The following HIGD1C variants were observed in gnomAD, a reference collection of about 807,000 sequenced individuals.
HIGD1C encodes HIG1 domain family member 1C.
A neutral mutation model predicts 13.1 loss-of-function variants in HIGD1C; 11 were observed. The ratio of observed to expected loss-of-function variants is 0.84; its 90% CI spans 0.53 to 1.39. The LOEUF (loss-of-function observed/expected upper bound fraction) is 1.39, where lower values mean the gene tolerates loss of function less well. Among genes scored for constraint, HIGD1C ranks in the 40% most tolerant of loss-of-function variants. The probability of loss-of-function intolerance (pLI) is 0.00; values close to 1 mark genes in which losing one functional copy is unlikely to be tolerated. For synonymous variants in HIGD1C, 36 were observed against 37.7 expected, an observed-to-expected ratio of 0.95 and a Z score of 0.17; for missense variants, 110 against 112.0, an observed-to-expected ratio of 0.98 and a Z score of 0.08.
the HIGD1C span, among the ~76,000 whole-genome samples, chr12:50,944,995 A>G: frequency 1.8e-4 from 28 of 152,362 alleles, no homozygotes; most frequent in African/African-American, 6.3e-4. Context: ...CCACATGATT[A>G]TCTCAATACA....
chr12:50,952,694 C>T (rs545452290), upstream of HIGD1C, among the ~76,000 whole-genome samples: 2 of 152,294 alleles, frequency 1.3e-5, no homozygotes, highest in African/African-American at 4.8e-5. Context: ...AGGAGGCGCA[C>T]CTGCGATGGC....
chr12:50,937,493 CCGCAGCTTTT>C, the HIGD1C span, among the ~76,000 whole-genome samples: 1 of 152,198 alleles, frequency 6.6e-6, no homozygotes, highest in Non-Finnish European at 1.5e-5. Context: ...CCCAGAAGGG[CCGCAGCTTTT>C]CTTTCCTTCT....
the HIGD1C span, among the ~76,000 whole-genome samples, chr12:50,936,103 G>C: frequency 6.7e-6 from 1 of 149,192 alleles, no homozygotes; most frequent in Admixed American, 6.7e-5. Context: ...AGGTTGCAGT[G>C]AGCCAAGATC....
Position 50,962,348 on chromosome 12 carries a change from T to A in HIGD1C, c.229+1246T>A, listed in dbSNP as rs142684032. Among the ~76,000 whole-genome samples the A allele has an allele frequency of 2.7e-4, 40 of 150,024 alleles. No homozygotes were observed. The East Asian group carries it at 4.3e-3, about 16-fold the overall frequency. ...ATCGCTTGAATCTGGGAGGTGGAGG[T>A]TGCAGTGAGCCGAGATCATGCCTTT... On this transcript the variant is annotated intron_variant, in intron 2 of 2. Transcript: ENST00000398455.
At chr12:50,960,469 A>G (rs933458347) in intron 1 of HIGD1C, among the ~76,000 whole-genome samples, 1 of 152,202 alleles carries the variant, frequency 6.6e-6, no homozygotes, top group African/African-American at 2.4e-5. Context: ...ATATGGTTCT[A>G]ATTTTTCTGG....
the HIGD1C span, among the ~76,000 whole-genome samples, chr12:50,937,873 T>C: frequency 2.6e-5 from 4 of 152,092 alleles, no homozygotes; most frequent in African/African-American, 9.7e-5. Context: ...CTGGGGACTT[T>C]ATGTGCTCAG....
At chr12:50,948,313 CTCA>C in the HIGD1C span, among the ~76,000 whole-genome samples, 1 of 152,146 alleles carries the variant, frequency 6.6e-6, no homozygotes, top group African/African-American at 2.4e-5. Context: ...TTCAATTTCA[CTCA>C]TAATACAAGA....
At chr12:50,950,068 G>A (rs142515417), upstream of HIGD1C, among the ~76,000 whole-genome samples, 44 of 152,282 alleles carry the variant, frequency 2.9e-4, no homozygotes, top group East Asian at 7.5e-3. Flanking sequence ...CCATCACCTG[G>A]AGCCTATTTG....
At chr12:50,948,409 T>C in the HIGD1C span, among the ~76,000 whole-genome samples, 1 of 152,186 alleles carries the variant, frequency 6.6e-6, no homozygotes, top group Non-Finnish European at 1.5e-5. Flanking sequence ...ACACATTCTG[T>C]TGGGCAGGCT....
chr12:50,936,866 T>C, the HIGD1C span, among the ~76,000 whole-genome samples: 1 of 152,142 alleles, frequency 6.6e-6, no homozygotes, highest in Non-Finnish European at 1.5e-5. Flanking sequence ...TAAATAACAC[T>C]GTCTAACTTC....
At chr12:50,953,071 G>A (rs1938957656), upstream of HIGD1C, among the ~76,000 whole-genome samples, 1 of 152,148 alleles carries the variant, frequency 6.6e-6, no homozygotes, top group African/African-American at 2.4e-5. Flanking sequence ...GCAGGGTGCT[G>A]GAAATCTTGG....
upstream of HIGD1C, among the ~76,000 whole-genome samples, chr12:50,949,619 C>G (rs960624797): frequency 7.1e-6 from 1 of 139,922 alleles, no homozygotes; most frequent in Non-Finnish European, 1.5e-5. Context: ...CTGCAACCTT[C>G]GTCTCCCAGG....
intron 1 of HIGD1C, among the ~76,000 whole-genome samples, chr12:50,958,837 C>T (rs991105633): frequency 6.6e-6 from 1 of 151,188 alleles, no homozygotes; most frequent in African/African-American, 2.4e-5. Context: ...GCCAACATAG[C>T]GAGACATCAT....
In HIGD1C at chr12:50,968,128, GAAT is replaced by G. The variant is rs1207839580; in HGVS notation, c.230-2313_230-2311del. Among the ~76,000 whole-genome samples, 349 of 148,834 alleles carry G rather than the reference GAAT, an allele frequency of 2.3e-3. 1 individual carries two copies. Among genetic ancestry groups the G allele is most frequent in the African/African-American group, 7.9e-3 (322 of 40,840 alleles). ...AGGAGGAGGAGGAGGAGGAGGAGGA[GAAT>G]GAGGAGGAGGAGGAGAAGGGATTTA... On this transcript the variant is annotated intron_variant, in intron 2 of 2. Coordinates refer to ENST00000398455, the Ensembl canonical transcript of HIGD1C.
At chr12:50,967,917 A>G (rs979821752) in intron 2 of HIGD1C, among the ~76,000 whole-genome samples, 1 of 152,064 alleles carries the variant, frequency 6.6e-6, no homozygotes, top group African/African-American at 2.4e-5. Flanking sequence ...CGAATACCCT[A>G]TCTCTACAAA....
At chr12:50,961,514 AT>A (rs35105630) in intron 2 of HIGD1C, among the ~76,000 whole-genome samples, 27,853 of 152,124 alleles carry the variant, frequency 0.18, 2,918 homozygotes, top group East Asian at 0.5. Context: ...GGAAGAAGAC[AT>A]TTTTAGAGTC....
At chr12:50,972,137 G>C (rs1939777346), downstream of HIGD1C, among the ~76,000 whole-genome samples, 1 of 152,206 alleles carries the variant, frequency 6.6e-6, no homozygotes, top group African/African-American at 2.4e-5. Flanking sequence ...ATGGAAATAA[G>C]TCATCCTTTC....
upstream of HIGD1C, chr12:50,953,781 C>CTCTA (rs992068828): frequency 2.4e-5 from 12 of 498,366 alleles, no homozygotes; most frequent in South Asian, 3.0e-4. Flanking sequence ...ATCATTTCCT[C>CTCTA]TATGTATTTT....
chr12:50,957,785 T>C (rs1327536058), intron 1 of HIGD1C, among the ~76,000 whole-genome samples: 1 of 151,852 alleles, frequency 6.6e-6, no homozygotes, highest in Non-Finnish European at 1.5e-5. Flanking sequence ...CTCAAGAGGC[T>C]GAGACAGGAG....
Sources: gnomAD v4.1 joint callset for allele counts (sites outside exome capture counted in the v4.1 genomes callset) on GRCh38, gnomAD v4.1.1 for gene constraint, MANE v1.5 for transcripts, NCBI Gene and HGNC (gene_info 2026-07-23, HGNC 2026-07-21) for gene names.